The following DNAJA4 variants were observed in gnomAD, a reference collection of about 807,000 sequenced individuals.
The protein encoded by DNAJA4 is DnaJ heat shock protein family (Hsp40) member A4, also known as dnaJ homolog subfamily A member 4.
Under a neutral mutation model 39.7 loss-of-function variants are expected in DNAJA4, and 32 were observed. The observed-to-expected ratio is 0.81, with a 90% CI of 0.61 to 1.08. The LOEUF (loss-of-function observed/expected upper bound fraction) is 1.08. Ranked by LOEUF, DNAJA4 falls within the 50% of genes least tolerant of loss-of-function variation. The pLI, the probability that DNAJA4 is intolerant of heterozygous loss-of-function variation, is 0.00. For missense variants in DNAJA4, 439 were observed against 505.1 expected (o/e 0.87, Z 1.25); for synonymous variants, 184 against 182.4 (o/e 1.01, Z -0.07).
intron 3 of DNAJA4, among the ~76,000 whole-genome samples, 158 bp from the exon 4 acceptor site, chr15:78,274,039 C>A (rs1280806433): frequency 1.3e-5 from 2 of 152,228 alleles, no homozygotes; most frequent in African/African-American, 4.8e-5. Context: ...CTTGGCTGGA[C>A]TCCTCCAGAC....
At chr15:78,264,311 G>A (rs969218486), upstream of DNAJA4, 2 of 1,394,460 alleles carry the variant, frequency 1.4e-6, no homozygotes, top group African/African-American at 1.5e-5. Flanking sequence ...TCCGGCCCCC[G>A]CCATGGCCCG....
intron 1 of DNAJA4, chr15:78,265,760 C>A (rs1262681306): frequency 4.8e-5 from 32 of 672,248 alleles, no homozygotes; most frequent in Middle Eastern, 4.7e-4. Flanking sequence ...CATTTTCTTA[C>A]AAAACTTTGG....
Position 78,274,416 on chromosome 15 carries a change from T to C in DNAJA4, c.638T>C (p.Val213Ala). The change falls in exon 4 of 7, where the codon GTT becomes GCT. Residue 213 changes from valine to alanine, a missense_variant. Physicochemically the swap from Val to Ala is moderately conservative, Grantham distance 64 (BLOSUM62 0). Transcript: ENST00000394852. Reference protein sequence around the residue: ...IREKKIIEVHVEKGMKDGQKI... With the variant: ...IREKKIIEVHAEKGMKDGQKI... ...GAGAAGAAGATTATCGAGGTACATG[T>C]TGAAAAAGGTGAGGCTGCGCAGAGC... The C allele has an allele frequency of 6.2e-7, 1 of 1,613,942 alleles. No individual in the cohort carries two copies. The highest frequency in any genetic ancestry group is 8.5e-7 in the Non-Finnish European group (1 of 1,179,984).
intron 1 of DNAJA4, 25 bp from the exon 2 acceptor site, chr15:78,270,472 A>ATCTCTCTCTC (rs536069277): frequency 2.1e-5 from 32 of 1,541,494 alleles, no homozygotes; most frequent in Non-Finnish European, 2.8e-5. Flanking sequence ...TTCTCTAAAA[A>ATCTCTCTCTC]TCTCTCTCTC....
rs2049668584 is a variant in DNAJA4, at chr15:78,281,849, C to T, written c.*1389C>T. On this transcript the variant is annotated 3_prime_UTR_variant, in exon 7 of 7. Transcript: ENST00000394852. Reference sequence around the variant, plus strand: ...GGTAAGGTGAACCAGCTGCACGGACCAGGTTCCCGCAAAACATTGCCAGCT... The same window carrying T: ...GGTAAGGTGAACCAGCTGCACGGACTAGGTTCCCGCAAAACATTGCCAGCT... 1 of 152,180 alleles carries T rather than the reference C, an allele frequency of 6.6e-6. No homozygotes were observed. Among genetic ancestry groups the T allele is most frequent in the South Asian group, 2.1e-4 (1 of 4,818 alleles). The allele number at this position is 152,180 out of a possible 1,614,324, so 9.4% of individuals were successfully genotyped here. A position where few individuals can be genotyped will look rare whatever the true frequency, so the allele number is the denominator to read the frequency against.
At chr15:78,269,108 CAGG>C (rs1254733420) in intron 1 of DNAJA4, among the ~76,000 whole-genome samples, 1 of 152,166 alleles carries the variant, frequency 6.6e-6, no homozygotes, top group Non-Finnish European at 1.5e-5. Flanking sequence ...TGGGGACACA[CAGG>C]AGGAGAGGAA....
intron 1 of DNAJA4, among the ~76,000 whole-genome samples, chr15:78,268,881 G>C (rs898261516): frequency 1.3e-5 from 2 of 152,182 alleles, no homozygotes; most frequent in African/African-American, 4.8e-5. Flanking sequence ...TTCATGATAT[G>C]GAGAAATATG....
intron 2 of DNAJA4, among the ~76,000 whole-genome samples, chr15:78,270,908 TA>T (rs2141440307): frequency 6.6e-6 from 1 of 151,888 alleles, no homozygotes; most frequent in African/African-American, 2.4e-5. Context: ...AAAATAAAAA[TA>T]AAAAACTTAG....
In DNAJA4 at chr15:78,264,896, G is replaced by A. The variant is rs561032412; in HGVS notation, c.132+1G>A. Reference sequence around the variant, plus strand: ...CAAGAACCCGGATGAGGGCGAGAAGGTGCGGGGCGGCGCGGGGCACGGGCC... The same window carrying A: ...CAAGAACCCGGATGAGGGCGAGAAGATGCGGGGCGGCGCGGGGCACGGGCC... On this transcript the variant is annotated splice_donor_variant, in intron 1 of 6. Coordinates refer to ENST00000394852, the MANE Select transcript of DNAJA4 (RefSeq NM_001130182.2). LOFTEE classifies it high-confidence loss of function. 1 of 1,590,376 alleles carries A rather than the reference G, an allele frequency of 6.3e-7. No individual in the cohort carries two copies. The highest frequency in any genetic ancestry group is 2.3e-5 in the East Asian group (1 of 43,376).
At chr15:78,267,483 G>GT (rs993372868) in intron 1 of DNAJA4, among the ~76,000 whole-genome samples, 11 of 148,370 alleles carry the variant, frequency 7.4e-5, no homozygotes, top group South Asian at 2.2e-4. Context: ...TTTGTTTTTT[G>GT]TTTTTTTTGC....
chr15:78,270,422 A>T (rs1254655732), intron 1 of DNAJA4, 75 bp from the exon 2 acceptor site: 4 of 1,476,186 alleles, frequency 2.7e-6, no homozygotes, highest in Non-Finnish European at 3.7e-6. Context: ...ATTACTTTGT[A>T]TGTTTATATG....
chr15:78,277,957 C>T (rs531650494), intron 5 of DNAJA4: 2 of 437,230 alleles, frequency 4.6e-6, no homozygotes, highest in East Asian at 1.4e-4. Flanking sequence ...CTCTTTTGCA[C>T]CCTCTCTTTT....
At chr15:78,270,476 C>CT in intron 1 of DNAJA4, 21 bp from the exon 2 acceptor site, 1 of 1,579,808 alleles carries the variant, frequency 6.3e-7, no homozygotes, top group Admixed American at 1.8e-5. Flanking sequence ...CTAAAAATCT[C>CT]TCTCTCTCTC....
At position 78,280,802 on chromosome 15, in the gene DNAJA4, C is replaced by T. The variant is rs2049634435; in HGVS notation, c.*342C>T. On this transcript the variant is annotated 3_prime_UTR_variant, in exon 7 of 7. Coordinates refer to ENST00000394852, the MANE Select transcript of DNAJA4 (RefSeq NM_001130182.2). ...TCAGTGTCACCAATAAGGCACAGCC[C>T]AGTTAGCAGCTTAGCCCCCCTAGCA... is the stretch of plus-strand genomic sequence containing the variant. 1 of 209,490 alleles carries T rather than the reference C, an allele frequency of 4.8e-6. No homozygotes were observed. The allele number at this position is 209,490 out of a possible 1,614,324, so 13.0% of individuals were successfully genotyped here.
intron 1 of DNAJA4, chr15:78,265,397 A>T: frequency 1.5e-6 from 1 of 682,348 alleles, no homozygotes; most frequent in South Asian, 1.6e-5. Context: ...CTTGAGAATG[A>T]CTAGCTGGAT....
chr15:78,278,771 C>A (rs56186834), intron 5 of DNAJA4, among the ~76,000 whole-genome samples: 1 of 150,746 alleles, frequency 6.6e-6, no homozygotes, highest in African/African-American at 2.4e-5. Context: ...CCTGCCTCAG[C>A]CTCCCAAGTA....
chr15:78,266,752 A>G (rs1291793088), intron 1 of DNAJA4, among the ~76,000 whole-genome samples: 1 of 152,226 alleles, frequency 6.6e-6, no homozygotes, highest in African/African-American at 2.4e-5. Context: ...TGATAACTGT[A>G]TTACCTGCCA....
At chr15:78,266,240 G>GT in intron 1 of DNAJA4, 1 of 1,613,664 alleles carries the variant, frequency 6.2e-7, no homozygotes, top group Non-Finnish European at 8.5e-7. Context: ...GCTGGCTAAA[G>GT]ACATGTGGGA....
In DNAJA4 at chr15:78,270,610, C is replaced by T. The variant is rs1685055062; in HGVS notation, c.246C>T (p.Phe82=). 6.2e-7 allele frequency: 1 copy of T among 1,614,228 alleles called. No homozygotes were observed. Among genetic ancestry groups the T allele is most frequent in the Non-Finnish European group, 8.5e-7 (1 of 1,180,050 alleles). ...IKEGGSGSPS[F]SSPMDIFDMF... The stretch of plus-strand genomic sequence containing the variant: ...AAGGAGGCTCAGGCAGCCCCAGCTT[C>T]TCTTCACCCATGGACATCTTTGACA... The change falls in exon 2 of 7, where the codon TTC becomes TTT. Residue 82 remains phenylalanine (F), a synonymous_variant. Coordinates refer to ENST00000394852, the MANE Select transcript of DNAJA4 (RefSeq NM_001130182.2).
Sources: gnomAD v4.1 joint callset for allele counts (sites outside exome capture counted in the v4.1 genomes callset) on GRCh38, gnomAD v4.1.1 for gene constraint, MANE v1.5 for transcripts, NCBI Gene and HGNC (gene_info 2026-07-23, HGNC 2026-07-21) for gene names.